Variants in DPY19L4 observed in about 807,000 individuals in gnomAD.
The protein encoded by DPY19L4 is probable C-mannosyltransferase DPY19L4.
Under a neutral mutation model 102.8 loss-of-function variants are expected in DPY19L4, and 97 were observed. The ratio of observed to expected loss-of-function variants is 0.94; its 90% confidence interval spans 0.80 to 1.12. DPY19L4 has a LOEUF of 1.12. Among genes scored for constraint, DPY19L4 ranks in the 50% most tolerant of loss-of-function variants. The pLI is 0.00. For missense variants in DPY19L4, 815 were observed against 850.4 expected (o/e 0.96, Z 0.52); for synonymous variants, 252 against 283.1 (o/e 0.89, Z 1.10).
intron 12 of DPY19L4, among the ~76,000 whole-genome samples, chr8:94,769,269 C>T (rs1812820959): frequency 6.6e-6 from 1 of 151,824 alleles, no homozygotes; most frequent in African/African-American, 2.4e-5. Context: ...CCATGTTGGT[C>T]AGGTTGGTCT....
In DPY19L4 at chr8:94,734,719, T is replaced by A; in HGVS notation, c.217T>A (p.Tyr73Asn). The A allele has an allele frequency of 1.9e-6, 3 of 1,613,916 alleles. No homozygotes were observed. In the South Asian group the frequency reaches 3.3e-5, roughly 18 times the overall value. ...GMMYALYLSA[Y>N]HERKFWFSNR... ...GATGTATGCTCTCTACTTATCAGCA[T>A]ACCATGAACGGAAATTCTGGTTTTC... Residue 73 changes from tyrosine to asparagine, a missense_variant, in exon 3 of 19, where the codon TAC becomes AAC. Tyr to Asn is a moderately radical substitution (Grantham distance 143, BLOSUM62 -2). Transcript: ENST00000414645.
intron 1 of DPY19L4, among the ~76,000 whole-genome samples, chr8:94,722,809 G>A (rs971300895): frequency 2.0e-5 from 3 of 152,040 alleles, no homozygotes; most frequent in Non-Finnish European, 2.9e-5. Flanking sequence ...GGTGTTCTCC[G>A]CGTCCCATCT....
intron 2 of DPY19L4, among the ~76,000 whole-genome samples, chr8:94,727,334 A>G (rs528535195): frequency 4.6e-5 from 7 of 152,324 alleles, no homozygotes; most frequent in Non-Finnish European, 8.8e-5. Flanking sequence ...TCTGGGTTCA[A>G]GCGATTGTCC....
At chr8:94,740,746 C>T (rs1811409493) in intron 6 of DPY19L4, among the ~76,000 whole-genome samples, 1 of 152,194 alleles carries the variant, frequency 6.6e-6, no homozygotes, top group South Asian at 2.1e-4. Context: ...TGAGCCACTG[C>T]GCCCGGCTGC....
At chr8:94,728,548 T>C (rs916241527) in intron 2 of DPY19L4, among the ~76,000 whole-genome samples, 1 of 152,176 alleles carries the variant, frequency 6.6e-6, no homozygotes, top group Admixed American at 6.5e-5. Context: ...ATATATAAAT[T>C]TGCTCAAGAT....
chr8:94,758,981 T>C (rs1254428724), intron 7 of DPY19L4, among the ~76,000 whole-genome samples: 2 of 152,158 alleles, frequency 1.3e-5, no homozygotes, highest in Admixed American at 1.3e-4. Context: ...GTGATTCGCC[T>C]GCCTTGGCCT....
At position 94,726,452 on chromosome 8, in the gene DPY19L4, T is replaced by A; in HGVS notation, c.127+11T>A. 1 of 1,590,598 alleles carries A rather than the reference T, an allele frequency of 6.3e-7. No homozygotes were observed. Among genetic ancestry groups the A allele is most frequent in the African/African-American group, 1.4e-5 (1 of 73,640 alleles). On this transcript the variant is annotated intron_variant, in intron 2 of 18. Coordinates refer to ENST00000414645, the MANE Select transcript of DPY19L4 (RefSeq NM_181787.3). ...AAAGAGCTCCAAAACGTAAGTTAGA[T>A]AGACTTGGAATTTGTGCTACTACAA...
intron 7 of DPY19L4, among the ~76,000 whole-genome samples, chr8:94,757,409 A>G (rs573767962): frequency 1.3e-5 from 2 of 151,948 alleles, no homozygotes; most frequent in Admixed American, 6.6e-5. Context: ...GCACAAGAGT[A>G]TATTTTCTTT....
intron 17 of DPY19L4, 71 bp downstream of exon 17, chr8:94,783,873 A>G: frequency 6.5e-7 from 1 of 1,538,322 alleles, no homozygotes; most frequent in South Asian, 1.2e-5. Context: ...TCTGCAGTAT[A>G]CATATGCTTC....
At chr8:94,737,131 T>C (rs1387599519) in intron 3 of DPY19L4, among the ~76,000 whole-genome samples, 2 of 152,174 alleles carry the variant, frequency 1.3e-5, no homozygotes, top group Non-Finnish European at 2.9e-5. Flanking sequence ...ATATTATTAA[T>C]ATGTTAATTT....
At chr8:94,767,051 C>T (rs888483647) in intron 11 of DPY19L4, among the ~76,000 whole-genome samples, 9 of 143,126 alleles carry the variant, frequency 6.3e-5, no homozygotes, top group South Asian at 2.2e-4. Flanking sequence ...GCCTGGGCAA[C>T]GGTGAGACCC....
At chr8:94,734,560 A>C in intron 2 of DPY19L4, 70 bp from the exon 3 acceptor site, 1 of 1,484,100 alleles carries the variant, frequency 6.7e-7, no homozygotes, top group Middle Eastern at 2.2e-4. Context: ...TAGAGGTAGA[A>C]TGCCATTTTT....
rs181889716 is a variant in DPY19L4, at chr8:94,766,522, G to C, written c.1102-90G>C. 2,894 of 1,203,550 alleles carry C rather than the reference G, an allele frequency of 2.4e-3. 8 individuals carry two copies. Among genetic ancestry groups the C allele is most frequent in the Non-Finnish European group, 3.0e-3 (2,568 of 849,008 alleles). The allele number at this position is 1,203,550 out of a possible 1,614,324, so 74.6% of individuals were successfully genotyped here. ...ATTCATATTTTTGTTTTGTAGTCTT[G>C]TTGTGTTTTCTGTCTCTAGTATTGG... On this transcript the variant is annotated intron_variant, in intron 10 of 18. Transcript: ENST00000414645.
intron 13 of DPY19L4, among the ~76,000 whole-genome samples, chr8:94,770,885 G>C (rs1391045272): frequency 6.8e-6 from 1 of 148,004 alleles, no homozygotes; most frequent in Non-Finnish European, 1.5e-5. Context: ...ACAAGACCCC[G>C]TCAAAAAAAA....
At chr8:94,723,693 C>G (rs1247553856) in intron 1 of DPY19L4, among the ~76,000 whole-genome samples, 2 of 152,242 alleles carry the variant, frequency 1.3e-5, no homozygotes, top group Non-Finnish European at 2.9e-5. Flanking sequence ...TCGAGTCGTA[C>G]TTTTGGCTCT....
intron 18 of DPY19L4, 33 bp from the exon 19 acceptor site, chr8:94,789,713 C>CT (rs1193363695): frequency 1.3e-6 from 2 of 1,531,460 alleles, no homozygotes; most frequent in Non-Finnish European, 8.8e-7. Flanking sequence ...GCTTAATAAG[C>CT]TTTTTAATAT....
chr8:94,744,458 T>C (rs1464031565), intron 6 of DPY19L4: 2 of 456,718 alleles, frequency 4.4e-6, no homozygotes, highest in South Asian at 1.5e-5. Flanking sequence ...AGAAATGATA[T>C]AACATCACTC....
chr8:94,765,025 G>A (rs559009913), intron 8 of DPY19L4, among the ~76,000 whole-genome samples, 158 bp from the exon 9 acceptor site: 1 of 151,560 alleles, frequency 6.6e-6, no homozygotes, highest in African/African-American at 2.4e-5. Context: ...ACCATGCCCG[G>A]CCAACATTAA....
At chr8:94,776,826 G>A (rs981351473) in intron 13 of DPY19L4, among the ~76,000 whole-genome samples, 1 of 151,758 alleles carries the variant, frequency 6.6e-6, no homozygotes, top group Non-Finnish European at 1.5e-5. Context: ...TTAGCTGGGC[G>A]TGGTGGCATG....
Sources: allele counts gnomAD v4.1 joint callset (sites outside exome capture counted in the v4.1 genomes callset), GRCh38; gene constraint gnomAD v4.1.1; transcripts MANE v1.5; gene names NCBI Gene and HGNC (gene_info 2026-07-23, HGNC 2026-07-21).